HS3ST4: variants seen among roughly 807,000 people sequenced by gnomAD.
HS3ST4 encodes heparan sulfate glucosamine 3-O-sulfotransferase 4.
HS3ST4 carries 17 observed loss-of-function variants against 29.2 expected under a neutral mutation model. The ratio of observed to expected loss-of-function variants is 0.58; its 90% CI spans 0.40 to 0.87. The LOEUF (loss-of-function observed/expected upper bound fraction) is 0.87. Among genes scored for constraint, HS3ST4 ranks in the 40% least tolerant of loss-of-function variants. The pLI is 0.00. For synonymous variants in HS3ST4, 314 were observed against 285.7 expected (o/e 1.10, Z -1.00); for missense variants, 627 against 634.5 (o/e 0.99, Z 0.13).
chr16:25,730,780 C>G (rs1317046668), intron 1 of HS3ST4, among the ~76,000 whole-genome samples: 3 of 151,528 alleles, frequency 2.0e-5, no homozygotes, highest in African/African-American at 7.3e-5. Flanking sequence ...GTTCTTTACT[C>G]TCTTCCTCCC....
At chr16:25,857,203 C>T (rs1021204537) in intron 1 of HS3ST4, among the ~76,000 whole-genome samples, 22 of 152,128 alleles carry the variant, frequency 1.4e-4, no homozygotes, top group Non-Finnish European at 1.6e-4. Context: ...TTAAGTGTTC[C>T]TATCAGTGTA....
intron 1 of HS3ST4, among the ~76,000 whole-genome samples, chr16:25,808,169 A>ACT (rs1967006837): frequency 1.3e-5 from 2 of 152,196 alleles, no homozygotes; most frequent in Non-Finnish European, 2.9e-5. Context: ...TTTATGGATC[A>ACT]TGCTTTTGGT....
intron 1 of HS3ST4, among the ~76,000 whole-genome samples, chr16:26,108,009 GTTTTCTA>G (rs896003787): frequency 1.3e-5 from 2 of 152,000 alleles, no homozygotes; most frequent in East Asian, 1.9e-4. Flanking sequence ...GAAAATAGAG[GTTTTCTA>G]TTTTCTATTT....
At chr16:25,816,115 G>A (rs1004760625) in intron 1 of HS3ST4, among the ~76,000 whole-genome samples, 4 of 152,090 alleles carry the variant, frequency 2.6e-5, no homozygotes, top group African/African-American at 9.7e-5. Context: ...GAAGTACTTG[G>A]TCATGATTTA....
intron 1 of HS3ST4, among the ~76,000 whole-genome samples, chr16:25,700,297 C>G (rs1966326236): frequency 6.6e-6 from 1 of 152,154 alleles, no homozygotes; most frequent in Non-Finnish European, 1.5e-5. Flanking sequence ...CTGACATTCT[C>G]TTGAGCCTCC....
chr16:25,985,006 C>T (rs1384482804), intron 1 of HS3ST4, among the ~76,000 whole-genome samples: 2 of 152,160 alleles, frequency 1.3e-5, no homozygotes, highest in Non-Finnish European at 2.9e-5. Context: ...CCATGTAGGC[C>T]ATCTTATGGT....
chr16:26,133,419 T>A (rs1441907697), intron 1 of HS3ST4, among the ~76,000 whole-genome samples: 3 of 152,192 alleles, frequency 2.0e-5, no homozygotes, highest in Non-Finnish European at 4.4e-5. Context: ...GGGGCTGCAT[T>A]CCTTAGCCCT....
intron 1 of HS3ST4, among the ~76,000 whole-genome samples, chr16:25,939,336 T>C (rs1337556022): frequency 6.8e-6 from 1 of 147,956 alleles, no homozygotes; most frequent in Non-Finnish European, 1.5e-5. Context: ...TTATCATTAT[T>C]ATTATTATTA....
intron 1 of HS3ST4, among the ~76,000 whole-genome samples, chr16:25,730,295 G>A (rs1966562147): frequency 6.6e-6 from 1 of 152,070 alleles, no homozygotes. Context: ...TACTAGAACA[G>A]CTCCTTGGGT....
intron 1 of HS3ST4, among the ~76,000 whole-genome samples, chr16:25,918,136 G>A (rs560061053): frequency 1.3e-5 from 2 of 152,284 alleles, no homozygotes; most frequent in South Asian, 4.2e-4. Flanking sequence ...TGGACAGTAG[G>A]TCTTGGTGAT....
intron 1 of HS3ST4, among the ~76,000 whole-genome samples, chr16:25,883,778 A>T (rs1395710654): frequency 1.3e-5 from 2 of 152,186 alleles, no homozygotes; most frequent in African/African-American, 2.4e-5. Flanking sequence ...GAAAACTGAG[A>T]CTTCAACAAG....
rs1259245946 is a variant in HS3ST4, at chr16:26,136,358, C to T, written c.*110C>T. 2.1e-5 allele frequency: 22 copies of T among 1,027,532 alleles called. No individual in the cohort carries two copies. Among genetic ancestry groups the T allele is most frequent in the East Asian group, 1.3e-4 (5 of 38,538 alleles). 63.7% of individuals were successfully genotyped at this position (1,027,532 alleles called of 1,614,324 possible). A position where few individuals can be genotyped will look rare whatever the true frequency, so the allele number is the denominator to read the frequency against. ...ACTTGCTGGAGTGCCAAGTAGATCT[C>T]CTCCTCCTTCATGCAGCCAGGATTG... is the stretch of plus-strand genomic sequence containing the variant. On this transcript the variant is annotated 3_prime_UTR_variant, in exon 2 of 2. Coordinates refer to ENST00000331351, the MANE Select transcript of HS3ST4 (RefSeq NM_006040.3).
chr16:25,928,058 A>AG (rs927623248), intron 1 of HS3ST4, among the ~76,000 whole-genome samples: 4 of 149,660 alleles, frequency 2.7e-5, no homozygotes, highest in African/African-American at 9.8e-5. Flanking sequence ...AAAAAAAAAA[A>AG]GGTAGCCAGG....
chr16:26,102,857 G>A (rs1899005091), intron 1 of HS3ST4, among the ~76,000 whole-genome samples: 1 of 152,182 alleles, frequency 6.6e-6, no homozygotes, highest in East Asian at 1.9e-4. Context: ...TTTTGGACAA[G>A]GGGAGGAAAG....
intron 1 of HS3ST4, among the ~76,000 whole-genome samples, chr16:25,791,731 T>C (rs1966869686): frequency 6.6e-6 from 1 of 152,154 alleles, no homozygotes; most frequent in African/African-American, 2.4e-5. Context: ...AATTAATGAT[T>C]TGGATATTGG....
At chr16:25,815,885 G>A (rs760931814) in intron 1 of HS3ST4, among the ~76,000 whole-genome samples, 1 of 152,132 alleles carries the variant, frequency 6.6e-6, no homozygotes, top group Non-Finnish European at 1.5e-5. Context: ...CTAAGCTAAT[G>A]ATTTTCAATA....
chr16:26,087,084 TG>T (rs1171056004), intron 1 of HS3ST4, among the ~76,000 whole-genome samples: 2 of 152,182 alleles, frequency 1.3e-5, no homozygotes, highest in African/African-American at 4.8e-5. Context: ...CAAACATGTT[TG>T]GGGTTCCAGG....
chr16:25,713,374 G>A (rs12443619), intron 1 of HS3ST4, among the ~76,000 whole-genome samples: 19,118 of 151,910 alleles, frequency 0.13, 1,327 homozygotes, highest in Middle Eastern at 0.17. Context: ...CAAAAAATAC[G>A]AAAATGAGCT....
intron 1 of HS3ST4, among the ~76,000 whole-genome samples, chr16:25,793,628 A>G (rs961351688): frequency 9.9e-5 from 15 of 151,988 alleles, no homozygotes; most frequent in Non-Finnish European, 1.5e-4. Flanking sequence ...TTTGCAAGGT[A>G]TAGCTTTCCC....
Sources: allele counts gnomAD v4.1 joint callset (sites outside exome capture counted in the v4.1 genomes callset), GRCh38; gene constraint gnomAD v4.1.1; transcripts MANE v1.5; gene names NCBI Gene and HGNC (gene_info 2026-07-23, HGNC 2026-07-21).